The following KCNC2 variants were observed in gnomAD, a reference collection of about 807,000 sequenced individuals.
KCNC2 encodes voltage-gated potassium channel KCNC2.
Under a neutral mutation model 44.5 loss-of-function variants are expected in KCNC2, and 21 were observed. That is an observed-to-expected ratio of 0.47 (90% CI 0.33 to 0.68). The LOEUF (loss-of-function observed/expected upper bound fraction) is 0.68. Among genes scored for constraint, KCNC2 ranks in the 30% least tolerant of loss-of-function variants. KCNC2 has a pLI of 0.01. For missense variants in KCNC2, 589 were observed against 826.2 expected, an observed-to-expected ratio of 0.71 and a Z score of 3.52; for synonymous variants, 391 against 339.1, an observed-to-expected ratio of 1.15 and a Z score of -1.68.
At chr12:75,166,812 C>T (rs1470900035) in intron 2 of KCNC2, among the ~76,000 whole-genome samples, 1 of 151,036 alleles carries the variant, frequency 6.6e-6, no homozygotes, top group Middle Eastern at 3.4e-3. Context: ...TACAGCTCTC[C>T]CCAAAGAAAC....
intron 2 of KCNC2, among the ~76,000 whole-genome samples, chr12:75,194,921 T>C (rs573073050): frequency 6.6e-6 from 1 of 152,300 alleles, no homozygotes; most frequent in Admixed American, 6.5e-5. Context: ...CTTCCCAGTT[T>C]AATACCTGCT....
intron 2 of KCNC2, among the ~76,000 whole-genome samples, chr12:75,125,559 G>A (rs982524315): frequency 1.3e-5 from 2 of 152,178 alleles, no homozygotes; most frequent in African/African-American, 2.4e-5. Context: ...ATGGAATGGT[G>A]AAATCTTTCA....
In KCNC2 at chr12:75,051,243, G is replaced by A; in HGVS notation, c.762C>T (p.Phe254=). The A allele has an allele frequency of 1.2e-6, 2 of 1,608,630 alleles. No individual in the cohort carries two copies. Among genetic ancestry groups the A allele is most frequent in the Non-Finnish European group, 1.7e-6 (2 of 1,175,660 alleles). The change falls in exon 3 of 5, where the codon TTC becomes TTT. Residue 254 remains phenylalanine (F), a synonymous_variant. Transcript: ENST00000549446. ...GTTCTGTCTTGTTTTTAACAATATT[G>A]AAAGCTTCATGTGTTTCCAGGCAAA... ...TTFCLETHEA[F]NIVKNKTEPV...
chr12:75,071,688 A>C (rs1883417474), intron 2 of KCNC2, among the ~76,000 whole-genome samples: 1 of 152,142 alleles, frequency 6.6e-6, no homozygotes. Context: ...GCGGTGGCTC[A>C]CGCCTGTAAT....
At chr12:75,174,499 T>A (rs1033510431) in intron 2 of KCNC2, among the ~76,000 whole-genome samples, 3 of 151,918 alleles carry the variant, frequency 2.0e-5, no homozygotes, top group Non-Finnish European at 2.9e-5. Flanking sequence ...TCTTCACCTA[T>A]GAGAGAGATG....
rs567341736 is a variant in KCNC2, at chr12:75,156,329, G to A, written c.687+50968C>T. 2.6e-5 allele frequency among the ~76,000 whole-genome samples: 4 copies of A among 151,480 alleles called. No individual in the cohort carries two copies. The South Asian group carries it at 8.3e-4, about 32-fold the overall frequency. On this transcript the variant is annotated intron_variant, in intron 2 of 4. Transcript: ENST00000549446. ...AAAAAATATCAGAAAAATATTTTAT[G>A]ACACAGAAAAAGGATATGAAATGCC... is the stretch of plus-strand genomic sequence containing the variant.
rs1401867439 is a variant in KCNC2 at position 75,052,847 on chromosome 12, A to T, written c.688-1530T>A. On this transcript the variant is annotated intron_variant, in intron 2 of 4. Transcript: ENST00000549446. ...CCTCAAATTATGGAACTTCTTCTAC[A>T]GTGTGCCAGTTAGTACATCAGCTGT... 2.0e-5 allele frequency among the ~76,000 whole-genome samples: 3 copies of T among 152,156 alleles called. No homozygotes were observed. In the East Asian group the frequency reaches 5.8e-4, roughly 29 times the overall value.
intron 2 of KCNC2, among the ~76,000 whole-genome samples, chr12:75,138,340 T>A (rs1889378562): frequency 6.6e-6 from 1 of 152,230 alleles, no homozygotes; most frequent in South Asian, 2.1e-4. Context: ...ACATATATGT[T>A]AATTAATAAT....
At chr12:75,161,057 T>C (rs910813729) in intron 2 of KCNC2, among the ~76,000 whole-genome samples, 1 of 143,736 alleles carries the variant, frequency 7.0e-6, no homozygotes, top group African/African-American at 2.7e-5. Flanking sequence ...TAAACCTACA[T>C]ATTTGGTTTA....
intron 2 of KCNC2, among the ~76,000 whole-genome samples, chr12:75,206,581 A>G (rs536487972): frequency 6.6e-6 from 1 of 152,226 alleles, no homozygotes; most frequent in Non-Finnish European, 1.5e-5. Flanking sequence ...TGGTTAATGT[A>G]TGTTCAACCT....
chr12:75,066,977 C>T (rs1402879982), intron 2 of KCNC2, among the ~76,000 whole-genome samples: 1 of 152,084 alleles, frequency 6.6e-6, no homozygotes, highest in Non-Finnish European at 1.5e-5. Flanking sequence ...CCAAGGCAGG[C>T]AGATTACATG....
At chr12:75,066,884 A>T (rs1313780717) in intron 2 of KCNC2, among the ~76,000 whole-genome samples, 1 of 152,200 alleles carries the variant, frequency 6.6e-6, no homozygotes, top group African/African-American at 2.4e-5. Flanking sequence ...AAATCATTTA[A>T]TCTAATGCTT....
chr12:75,083,376 C>T (rs1419951187), intron 2 of KCNC2, among the ~76,000 whole-genome samples: 2 of 151,828 alleles, frequency 1.3e-5, no homozygotes, highest in Non-Finnish European at 2.9e-5. Context: ...CTCTTGGAAA[C>T]AACTATCCCA....
Position 75,041,586 on chromosome 12 carries a change from A to G in KCNC2, c.*1519T>C. The G allele has an allele frequency of 1.9e-6, 2 of 1,050,566 alleles. No individual in the cohort carries two copies. Among genetic ancestry groups the G allele is most frequent in the Non-Finnish European group, 2.3e-6 (2 of 867,622 alleles). The allele number at this position is 1,050,566 out of a possible 1,614,324, so 65.1% of individuals were successfully genotyped here. On this transcript the variant is annotated 3_prime_UTR_variant, in exon 5 of 5. Coordinates refer to ENST00000549446, the MANE Select transcript of KCNC2 (RefSeq NM_139137.4). ...ACATGCTCAATACATGAGACACGCT[A>G]TTGCTGTTGAATTCATAGGAATGCA...
At position 75,040,881 on chromosome 12, in the gene KCNC2, G is replaced by T. The variant is rs200582875; in HGVS notation, c.*2224C>A. ...GGGCCTTACTTGAAACTTCAGAGAT[G>T]TTGATCATGAATTTGGCTTCTTTTG... On this transcript the variant is annotated 3_prime_UTR_variant, in exon 5 of 5. Transcript: ENST00000549446. The T allele has an allele frequency of 7.6e-6, 4 of 523,774 alleles. No homozygotes were observed. Among genetic ancestry groups the T allele is most frequent in the Non-Finnish European group, 1.4e-5 (4 of 290,884 alleles). 32.4% of individuals were successfully genotyped at this position (523,774 alleles called of 1,614,324 possible).
rs1407927608 is a variant in KCNC2, at chr12:75,041,502, C to A, written c.*1603G>T. On this transcript the variant is annotated 3_prime_UTR_variant, in exon 5 of 5. Coordinates refer to ENST00000549446, the MANE Select transcript of KCNC2 (RefSeq NM_139137.4). Reference sequence around the variant, plus strand: ...AATTAATCAGCAGTCTCAAGGCTCCCAAATGCCTTAGTGATATTATTTATC... The same window carrying A: ...AATTAATCAGCAGTCTCAAGGCTCCAAAATGCCTTAGTGATATTATTTATC... 1.4e-5 allele frequency: 16 copies of A among 1,183,284 alleles called. No homozygotes were observed. In the East Asian group the frequency reaches 6.4e-4, roughly 48 times the overall value. 73.3% of individuals were successfully genotyped at this position (1,183,284 alleles called of 1,614,324 possible). A position where few individuals can be genotyped will look rare whatever the true frequency, so the allele number is the denominator to read the frequency against.
At chr12:75,153,921 C>T (rs1189563639) in intron 2 of KCNC2, among the ~76,000 whole-genome samples, 1 of 151,658 alleles carries the variant, frequency 6.6e-6, no homozygotes, top group Admixed American at 6.6e-5. Context: ...TCAGGGATGG[C>T]AGAGGCAGAA....
intron 2 of KCNC2, among the ~76,000 whole-genome samples, chr12:75,095,985 A>T (rs1213734769): frequency 6.6e-6 from 1 of 151,954 alleles, no homozygotes; most frequent in East Asian, 1.9e-4. Flanking sequence ...ATTTACTTAC[A>T]TTTGTAATTT....
intron 2 of KCNC2, among the ~76,000 whole-genome samples, chr12:75,177,102 A>G (rs1892243561): frequency 6.6e-6 from 1 of 150,742 alleles, no homozygotes; most frequent in Non-Finnish European, 1.5e-5. Context: ...GAAAATGGGA[A>G]GAAATAAAGC....
Sources: gnomAD v4.1 joint callset for allele counts (sites outside exome capture counted in the v4.1 genomes callset) on GRCh38, gnomAD v4.1.1 for gene constraint, MANE v1.5 for transcripts, NCBI Gene and HGNC (gene_info 2026-07-23, HGNC 2026-07-21) for gene names.